Variants in MYCBP2 observed in about 807,000 individuals in gnomAD.
MYCBP2 encodes E3 ubiquitin-protein ligase MYCBP2.
MYCBP2 carries 120 observed loss-of-function variants against 525.3 expected under a neutral mutation model. The ratio of observed to expected loss-of-function variants is 0.23; its 90% CI spans 0.20 to 0.27. The LOEUF (loss-of-function observed/expected upper bound fraction) is 0.27. Ranked by LOEUF, MYCBP2 falls within the 10% of genes least tolerant of loss-of-function variation. The pLI is 1.00. For missense variants in MYCBP2, 4,149 were observed against 5,657.1 expected, an observed-to-expected ratio of 0.73 and a Z score of 8.55; for synonymous variants, 1,894 against 1,955.8, an observed-to-expected ratio of 0.97 and a Z score of 0.83.
chr13:77,073,302 T>G lies in MYCBP2; in HGVS notation c.11824-2591A>C, dbSNP rs1044736754. ...AGGTACCACTGTGCTCTTGTCTGGG[T>G]GACAGAGTTAAGACCAGGTCTCTTA... On this transcript the variant is annotated intron_variant, in intron 68 of 82. Coordinates refer to ENST00000544440, the MANE Select transcript of MYCBP2 (RefSeq NM_015057.5). 2.6e-5 allele frequency among the ~76,000 whole-genome samples: 4 copies of G among 152,072 alleles called. 1 individual carries two copies. Among genetic ancestry groups the G allele is most frequent in the Non-Finnish European group, 4.4e-5 (3 of 67,964 alleles).
chr13:77,159,951 T>C (rs1310859871), intron 44 of MYCBP2, among the ~76,000 whole-genome samples: 1 of 152,148 alleles, frequency 6.6e-6, no homozygotes, highest in East Asian at 1.9e-4. Flanking sequence ...GATTTAACTT[T>C]AAAAAAGGAA....
intron 20 of MYCBP2, among the ~76,000 whole-genome samples, chr13:77,223,249 C>T (rs1223167022): frequency 1.3e-5 from 2 of 152,174 alleles, no homozygotes; most frequent in African/African-American, 4.8e-5. Context: ...TGGTCTATTC[C>T]TGCCCAATGC....
At position 77,144,859 on chromosome 13, in the gene MYCBP2, C is replaced by T. The variant is rs192963020; in HGVS notation, c.7188-299G>A. Among the ~76,000 whole-genome samples, 453 of 152,226 alleles carry T rather than the reference C, an allele frequency of 3.0e-3. 2 individuals are homozygous for T. The highest frequency in any genetic ancestry group is 4.5e-3 in the Non-Finnish European group (303 of 68,008). ...ATGTGATTAATAAACCTACTTTCCC[C>T]TGCCTTCTCTCATGGTAGAATGGAG... is the stretch of plus-strand genomic sequence containing the variant. On this transcript the variant is annotated intron_variant, in intron 48 of 82. Transcript: ENST00000544440.
chr13:77,238,019 G>A lies in MYCBP2; in HGVS notation c.2630-4756C>T, dbSNP rs139952272. Among the ~76,000 whole-genome samples the A allele has an allele frequency of 6.8e-3, 1,031 of 152,018 alleles. 8 individuals carry two copies. Among genetic ancestry groups the A allele is most frequent in the African/African-American group, 0.022 (913 of 41,480 alleles). On this transcript the variant is annotated intron_variant, in intron 17 of 82. Coordinates refer to ENST00000544440, the MANE Select transcript of MYCBP2 (RefSeq NM_015057.5). ...AGCACTTTGGGAGGCCAAGGCAGGC[G>A]GATTACAAGGTCAGGAGATTGAGGC... is the stretch of plus-strand genomic sequence containing the variant.
chr13:77,323,610 A>G (rs1398114325), intron 1 of MYCBP2, among the ~76,000 whole-genome samples: 1 of 152,210 alleles, frequency 6.6e-6, no homozygotes, highest in Non-Finnish European at 1.5e-5. Flanking sequence ...AAGTGAAATT[A>G]TGAGTTGTCT....
intron 71 of MYCBP2, 54 bp downstream of exon 71, chr13:77,067,527 G>A: frequency 6.5e-7 from 1 of 1,548,714 alleles, no homozygotes; most frequent in Non-Finnish European, 8.8e-7. Context: ...TTAAATTTCT[G>A]AACAGTAGCT....
intron 18 of MYCBP2, among the ~76,000 whole-genome samples, chr13:77,226,352 C>T (rs553227614): frequency 6.6e-6 from 1 of 152,172 alleles, no homozygotes; most frequent in Non-Finnish European, 1.5e-5. Context: ...TCAAAAACCA[C>T]ATTCCAGAAT....
intron 26 of MYCBP2, among the ~76,000 whole-genome samples, chr13:77,203,121 G>T (rs1209425028): frequency 1.3e-5 from 2 of 152,044 alleles, no homozygotes; most frequent in Non-Finnish European, 2.9e-5. Flanking sequence ...GTTTGCAGAC[G>T]ACATGATTGT....
chr13:77,115,770 T>C (rs997765173), intron 55 of MYCBP2, among the ~76,000 whole-genome samples: 25 of 151,754 alleles, frequency 1.6e-4, no homozygotes, highest in Non-Finnish European at 3.7e-4. Context: ...TGTGTGTCTT[T>C]GTAGAATTTT....
At chr13:77,203,574 G>C (rs1593843334) in intron 26 of MYCBP2, among the ~76,000 whole-genome samples, 1 of 152,280 alleles carries the variant, frequency 6.6e-6, no homozygotes, top group East Asian at 1.9e-4. Flanking sequence ...CCAAAAAAGA[G>C]CCCGCAAGAC....
Position 77,058,119 on chromosome 13 carries a change from C to A in MYCBP2, c.13329+99G>T. 1.5e-6 allele frequency: 2 copies of A among 1,347,270 alleles called. No individual in the cohort carries two copies. The highest frequency in any genetic ancestry group is 2.1e-6 in the Non-Finnish European group (2 of 975,240). 83.5% of individuals were successfully genotyped at this position (1,347,270 alleles called of 1,614,324 possible). A position where few individuals can be genotyped will look rare whatever the true frequency, so the allele number is the denominator to read the frequency against. On this transcript the variant is annotated intron_variant, in intron 78 of 82. Transcript: ENST00000544440. This position sits in a 1 kb window ranked among gnomAD's most constrained non-coding sequence, Gnocchi z 4.1. Reference sequence around the variant, plus strand: ...CCTCCCAAAGTGCTGGGATTACAGGCATGAGCCACTGCGCCCGGCCTCAAT... The same window carrying A: ...CCTCCCAAAGTGCTGGGATTACAGGAATGAGCCACTGCGCCCGGCCTCAAT...
At chr13:77,105,704 A>G (rs2047748539) in intron 55 of MYCBP2, among the ~76,000 whole-genome samples, 1 of 152,168 alleles carries the variant, frequency 6.6e-6, no homozygotes, top group East Asian at 1.9e-4. Flanking sequence ...TAAGACAACC[A>G]GTTATTATAT....
chr13:77,198,173 T>C (rs1179331866), intron 26 of MYCBP2, among the ~76,000 whole-genome samples: 1 of 152,230 alleles, frequency 6.6e-6, no homozygotes, highest in Non-Finnish European at 1.5e-5. Flanking sequence ...TGCACTGAAA[T>C]GAGCCAAACT....
chr13:77,069,314 G>T (rs190637587), intron 69 of MYCBP2, among the ~76,000 whole-genome samples: 4 of 152,316 alleles, frequency 2.6e-5, no homozygotes, highest in African/African-American at 9.6e-5. Context: ...TCATTGAAAA[G>T]AATAATAGTG....
In MYCBP2 at chr13:77,224,457, T is replaced by C. The variant is rs772727622; in HGVS notation, c.2933A>G (p.Asn978Ser). The C allele has an allele frequency of 1.3e-6, 2 of 1,598,048 alleles. No individual in the cohort carries two copies. The highest frequency in any genetic ancestry group is 1.3e-5 in the African/African-American group (1 of 74,520). ...QHGQLGHGDVNSRGCPTLVQA... is the reference protein window; with the variant it reads ...QHGQLGHGDVSSRGCPTLVQA... ...ATGAAAAGTTAGCAAGTACCTGGAGTTGACATCTCCATGTCCTAGCTGCCC... is the reference window on the plus strand; with the variant it reads ...ATGAAAAGTTAGCAAGTACCTGGAGCTGACATCTCCATGTCCTAGCTGCCC... The change falls in exon 20 of 83, where the codon AAC (asparagine) becomes AGC (serine). Residue 978 changes from asparagine (N) to serine (S), a missense_variant. Physicochemically the swap from Asn to Ser is conservative, Grantham distance 46. Around this residue, in one of 21 missense-constraint regions of MYCBP2, gnomAD observed 620 missense variants for 795.5 expected, o/e 0.78. Coordinates refer to ENST00000544440, the MANE Select transcript of MYCBP2 (RefSeq NM_015057.5).
At position 77,087,467 on chromosome 13, in the gene MYCBP2, A is replaced by G; in HGVS notation, c.10875+17T>C. ...TTCTATAAAAATATGCACAATCAAA[A>G]CAAAAATTTCATTTACTTGTTCTGA... On this transcript the variant is annotated intron_variant, in intron 62 of 82. Transcript: ENST00000544440. The G allele has an allele frequency of 6.3e-7, 1 of 1,593,792 alleles. No individual in the cohort carries two copies. Among genetic ancestry groups the G allele is most frequent in the South Asian group, 1.1e-5 (1 of 89,106 alleles).
chr13:77,045,733 C>A (rs1019479664), intron 82 of MYCBP2, among the ~76,000 whole-genome samples: 2 of 152,096 alleles, frequency 1.3e-5, no homozygotes, highest in African/African-American at 4.8e-5. Context: ...CTATATCCTG[C>A]CTAGAGAGGA....
chr13:77,316,118 G>A (rs1380917027), intron 1 of MYCBP2, among the ~76,000 whole-genome samples: 1 of 151,962 alleles, frequency 6.6e-6, no homozygotes, highest in Non-Finnish European at 1.5e-5. Context: ...TGAGGGGTAG[G>A]AGAATCTAGA....
intron 1 of MYCBP2, among the ~76,000 whole-genome samples, chr13:77,325,368 A>G (rs890755767): frequency 1.3e-5 from 2 of 152,230 alleles, no homozygotes; most frequent in African/African-American, 2.4e-5. Context: ...GAAAAAAAAG[A>G]TGAAGCCAAC....
Sources: allele counts gnomAD v4.1 joint callset (sites outside exome capture counted in the v4.1 genomes callset), GRCh38; gene constraint gnomAD v4.1.1; regional missense constraint gnomAD v4.1.1; non-coding constraint Gnocchi (gnomAD v3.1); transcripts MANE v1.5; gene names NCBI Gene and HGNC (gene_info 2026-07-23, HGNC 2026-07-21).